The following PCDHGA5 variants were observed in gnomAD, a reference collection of about 807,000 sequenced individuals.
The protein encoded by PCDHGA5 is protocadherin gamma-A5.
Under a neutral mutation model 56.7 loss-of-function variants are expected in PCDHGA5, and 36 were observed. That is an observed-to-expected ratio of 0.64 (90% CI 0.49 to 0.84). PCDHGA5 has a LOEUF of 0.84. Ranked by LOEUF, PCDHGA5 falls within the 40% of genes least tolerant of loss-of-function variation. The pLI is 0.00. For missense variants in PCDHGA5, 1,305 were observed against 1,201.5 expected (o/e 1.09, Z -1.27); for synonymous variants, 563 against 520.2 (o/e 1.08, Z -1.12).
In PCDHGA5 at chr5:141,487,107, T is replaced by C. The variant is rs1193091014; in HGVS notation, c.2422-7700T>C. 6.2e-7 allele frequency: 1 copy of C among 1,613,926 alleles called. No individual in the cohort carries two copies. The highest frequency in any genetic ancestry group is 8.5e-7 in the Non-Finnish European group (1 of 1,179,782). On this transcript the variant is annotated intron_variant, in intron 1 of 3. Transcript: ENST00000518069. This position sits in a 1 kb window ranked among gnomAD's most constrained non-coding sequence, Gnocchi z 5.0. ...GACCTCCCACCACAGAAGCTGGTCA[T>C]TGTGGTAAAGGATAGTGGTAGTCCA...
At position 141,431,848 on chromosome 5, in the gene PCDHGA5, G is replaced by A. The variant is rs747401379; in HGVS notation, c.2422-62959G>A. 11 of 1,614,142 alleles carry A rather than the reference G, an allele frequency of 6.8e-6. No homozygotes were observed. The highest frequency in any genetic ancestry group is 2.2e-5 in the East Asian group (1 of 44,906). On this transcript the variant is annotated intron_variant, in intron 1 of 3. Coordinates refer to ENST00000518069, the MANE Select transcript of PCDHGA5 (RefSeq NM_018918.3). The surrounding 1 kb of genome is among the most constrained non-coding windows in gnomAD (Gnocchi z 4.8). ...CGGTTCCCGAAAACTCTCCCAGAGGGACATTAATTGCCCTTTTAAATGTAA... is the reference window on the plus strand; with the variant it reads ...CGGTTCCCGAAAACTCTCCCAGAGGAACATTAATTGCCCTTTTAAATGTAA...
At chr5:141,408,097 C>T (rs2095040197) in intron 1 of PCDHGA5, 5 of 1,434,516 alleles carry the variant, frequency 3.5e-6, no homozygotes, top group Non-Finnish European at 3.7e-6. Context: ...TTGCCAGCTC[C>T]GAGACCCGGG....
chr5:141,460,681 A>G (rs2098995379), intron 1 of PCDHGA5, among the ~76,000 whole-genome samples: 1 of 152,134 alleles, frequency 6.6e-6, no homozygotes, highest in African/African-American at 2.4e-5. Context: ...ATATATCTAT[A>G]TATCCACCAA....
At chr5:141,438,591 CATATATATATATATATAT>C (rs946798767) in intron 1 of PCDHGA5, among the ~76,000 whole-genome samples, 2 of 75,562 alleles carry the variant, frequency 2.6e-5, no homozygotes, top group Non-Finnish European at 5.4e-5. Context: ...TACATACATA[CATATATATATATATATAT>C]ATATATATAT....
intron 1 of PCDHGA5, chr5:141,375,116 C>T (rs754682469): frequency 3.7e-6 from 6 of 1,613,886 alleles, no homozygotes; most frequent in Non-Finnish European, 4.2e-6. Flanking sequence ...TGATAATGTA[C>T]CAGAAGTGGT....
intron 1 of PCDHGA5, chr5:141,404,584 C>T: frequency 6.2e-7 from 1 of 1,613,980 alleles, no homozygotes; most frequent in Non-Finnish European, 8.5e-7. Flanking sequence ...CACTTAGCAG[C>T]AATGTGTCAT....
At chr5:141,467,924 G>A (rs2099154404) in intron 1 of PCDHGA5, among the ~76,000 whole-genome samples, 1 of 152,042 alleles carries the variant, frequency 6.6e-6, no homozygotes, top group Non-Finnish European at 1.5e-5. Context: ...CTCCCAAAAT[G>A]CTAGGATTAC....
intron 1 of PCDHGA5, chr5:141,375,404 A>T: frequency 1.2e-6 from 2 of 1,613,912 alleles, no homozygotes; most frequent in South Asian, 1.1e-5. Flanking sequence ...CATCTCTCTA[A>T]ATGTGGCAGA....
At chr5:141,413,520 A>G in intron 1 of PCDHGA5, 1 of 1,613,986 alleles carries the variant, frequency 6.2e-7, no homozygotes, top group Non-Finnish European at 8.5e-7. Flanking sequence ...TCCTTGTGGA[A>G]GACAGGGTGA....
intron 1 of PCDHGA5, chr5:141,372,072 C>G: frequency 1.2e-6 from 2 of 1,613,664 alleles, no homozygotes; most frequent in Non-Finnish European, 1.7e-6. Context: ...CGACAATGCA[C>G]CGCTGGTGCT....
In PCDHGA5 at chr5:141,394,383, C is replaced by G. The variant is rs2092989606; in HGVS notation, c.2421+27632C>G. The G allele has an allele frequency of 3.1e-6, 5 of 1,614,118 alleles. No homozygotes were observed. In the Admixed American group the frequency reaches 5.0e-5, roughly 16 times the overall value. ...TGCGCTGCAATCTTTCGACTATGAG[C>G]AGATCCGAGACCTGCAGCTACTGGT... On this transcript the variant is annotated intron_variant, in intron 1 of 3. Transcript: ENST00000518069.
In PCDHGA5 at chr5:141,383,423, A is replaced by G. The variant is rs373117845; in HGVS notation, c.2421+16672A>G. 86 of 1,613,864 alleles carry G rather than the reference A, an allele frequency of 5.3e-5. No individual in the cohort carries two copies. The highest frequency in any genetic ancestry group is 1.6e-4 in the Middle Eastern group (1 of 6,084). On this transcript the variant is annotated intron_variant, in intron 1 of 3. Transcript: ENST00000518069. ...CTCCAGAGTTACCAGCTCAGCCCCAATCGCCACTTCTCCCTGGCTGTGCAA... is the reference window on the plus strand; with the variant it reads ...CTCCAGAGTTACCAGCTCAGCCCCAGTCGCCACTTCTCCCTGGCTGTGCAA...
At chr5:141,451,526 G>T (rs896029145) in intron 1 of PCDHGA5, among the ~76,000 whole-genome samples, 1 of 152,168 alleles carries the variant, frequency 6.6e-6, no homozygotes, top group African/African-American at 2.4e-5. Flanking sequence ...GCAAGTAAAG[G>T]AGAGTGCCAG....
rs779768182 is a variant in PCDHGA5, at chr5:141,366,276, A to G, written c.1946A>G (p.His649Arg). Reference sequence around the variant, plus strand: ...AGCCTCGTGGTGGCCGTCGAAGACCATGGCCAGCCCCCTCTGTCAGCCACC... The same window carrying G: ...AGCCTCGTGGTGGCCGTCGAAGACCGTGGCCAGCCCCCTCTGTCAGCCACC... ...KQSLVVAVED[H>R]GQPPLSATFT... Residue 649 changes from histidine (H) to arginine (R), a missense_variant, in exon 1 of 4, where the codon CAT (histidine) becomes CGT (arginine). By Grantham distance (29) the His-to-Arg change is conservative. Coordinates refer to ENST00000518069, the MANE Select transcript of PCDHGA5 (RefSeq NM_018918.3). The G allele has an allele frequency of 1.9e-6, 3 of 1,613,672 alleles. No homozygotes were observed. Among genetic ancestry groups the G allele is most frequent in the Non-Finnish European group, 2.5e-6 (3 of 1,179,996 alleles).
intron 1 of PCDHGA5, chr5:141,391,083 G>C (rs974357992): frequency 1.3e-5 from 2 of 152,152 alleles, no homozygotes; most frequent in Non-Finnish European, 2.9e-5. Flanking sequence ...ATGTGTAACT[G>C]CCTTATCTGC....
chr5:141,370,898 G>A, intron 1 of PCDHGA5: 1 of 1,614,062 alleles, frequency 6.2e-7, no homozygotes, highest in African/African-American at 1.3e-5. Flanking sequence ...ATTCGCTGCA[G>A]CAGTACTACC....
At chr5:141,449,667 G>A (rs540415333) in intron 1 of PCDHGA5, among the ~76,000 whole-genome samples, 1 of 150,824 alleles carries the variant, frequency 6.6e-6, no homozygotes, top group South Asian at 2.1e-4. Context: ...ACACCCAAGT[G>A]TGTATGTATA....
At chr5:141,376,830 G>A (rs1343049579) in intron 1 of PCDHGA5, 1 of 266,580 alleles carries the variant, frequency 3.8e-6, no homozygotes, top group Non-Finnish European at 7.1e-6. Flanking sequence ...GGGACTACAG[G>A]CGCCCGCCAC....
intron 1 of PCDHGA5, among the ~76,000 whole-genome samples, chr5:141,439,279 CT>C (rs2098102664): frequency 6.6e-6 from 1 of 151,930 alleles, no homozygotes; most frequent in African/African-American, 2.4e-5. Flanking sequence ...CATTCTGAGA[CT>C]GTGTTCCATG....
Sources: gnomAD v4.1 joint callset for allele counts (sites outside exome capture counted in the v4.1 genomes callset) on GRCh38, gnomAD v4.1.1 for gene constraint, Gnocchi (gnomAD v3.1) non-coding constraint, MANE v1.5 for transcripts, NCBI Gene and HGNC (gene_info 2026-07-23, HGNC 2026-07-21) for gene names.